ART5: variants seen among roughly 807,000 people sequenced by gnomAD.
The protein encoded by ART5 is ecto-ADP-ribosyltransferase 5.
In ART5, 22 loss-of-function variants were observed where a neutral mutation model predicts 25.0. That is an observed-to-expected ratio of 0.88 (90% CI 0.63 to 1.26). ART5 has a LOEUF of 1.26. Ranked by LOEUF, ART5 falls within the 50% of genes most tolerant of loss-of-function variation. ART5 has a pLI of 0.00. For missense variants in ART5, 402 were observed against 372.8 expected (o/e 1.08, Z -0.64); for synonymous variants, 161 against 154.8 (o/e 1.04, Z -0.30).
intron 1 of ART5, 46 bp from the exon 2 acceptor site, chr11:3,640,417 A>G: frequency 6.5e-7 from 1 of 1,529,908 alleles, no homozygotes; most frequent in Non-Finnish European, 8.7e-7. Flanking sequence ...ATAAGTTCAG[A>G]GCACTGGACA....
rs1024458878 is a variant in ART5 at position 3,641,837 on chromosome 11, G to A, written c.26C>T (p.Ala9Val). The A allele has an allele frequency of 1.3e-6, 2 of 1,578,862 alleles. No homozygotes were observed. The highest frequency in any genetic ancestry group is 1.3e-5 in the African/African-American group (1 of 74,830). The change falls in exon 1 of 4, where the codon GCC (alanine) becomes GTC (valine). Residue 9 changes from alanine to valine, a missense_variant. Transcript: ENST00000397068. ...GGTGTGGAGGCCGAGGCTGCCGAGG[G>A]CGATCATCAAAGCCGCCAGCGCCAT... is the stretch of plus-strand genomic sequence containing the variant. MALAALMIALGSLGLHTWQ... is the reference protein window; with the variant it reads MALAALMIVLGSLGLHTWQ...
At chr11:3,638,886 G>A in intron 3 of ART5, 93 bp from the exon 4 acceptor site, 1 of 1,611,660 alleles carries the variant, frequency 6.2e-7, no homozygotes. Flanking sequence ...GGGCAGAGAG[G>A]AGGCCCCCTC....
chr11:3,640,724 C>T (rs1413358087), intron 1 of ART5, among the ~76,000 whole-genome samples: 18 of 152,100 alleles, frequency 1.2e-4, no homozygotes, highest in Non-Finnish European at 4.4e-5. Context: ...TGCATGCCAC[C>T]ATGCCTGGCT....
rs1431277295 is a variant in ART5, at chr11:3,641,876, G to T, written c.-14C>A. ...CGCCAGCGCCATCCCTGGAGGAGAC[G>T]TGAGGGCCAGGGGTCCGGGTGAGGG... On this transcript the variant is annotated 5_prime_UTR_variant, in exon 1 of 4. Coordinates refer to ENST00000397068, the MANE Select transcript of ART5 (RefSeq NM_053017.5). 1 of 1,562,716 alleles carries T rather than the reference G, an allele frequency of 6.4e-7. No homozygotes were observed. Among genetic ancestry groups the T allele is most frequent in the Non-Finnish European group, 8.7e-7 (1 of 1,155,680 alleles).
upstream of ART5, chr11:3,642,106 T>G: frequency 7.3e-7 from 1 of 1,369,738 alleles, no homozygotes; most frequent in Non-Finnish European, 9.4e-7. Context: ...CTGGGGACCT[T>G]TCCGAGACTG....
At chr11:3,638,829 C>T in intron 3 of ART5, 36 bp from the exon 4 acceptor site, 1 of 1,614,162 alleles carries the variant, frequency 6.2e-7, no homozygotes, top group Non-Finnish European at 8.5e-7. Flanking sequence ...GGGCCCAACC[C>T]CTGAGAGCTG....
chr11:3,641,812 G>A lies in ART5; in HGVS notation c.51C>T (p.Thr17=), dbSNP rs2077402915. 2.5e-6 allele frequency: 4 copies of A among 1,577,940 alleles called. No homozygotes were observed. In the East Asian group the frequency reaches 6.8e-5, roughly 27 times the overall value. Residue 17 remains threonine (T), a synonymous_variant, in exon 1 of 4, where the codon ACC becomes ACT. Coordinates refer to ENST00000397068, the MANE Select transcript of ART5 (RefSeq NM_053017.5). ...MIALGSLGLH[T]WQAQAVPILP... Reference sequence around the variant, plus strand: ...AGATGGTTCCTGGAGTTACCTGCCAGGTGTGGAGGCCGAGGCTGCCGAGGG... The same window carrying A: ...AGATGGTTCCTGGAGTTACCTGCCAAGTGTGGAGGCCGAGGCTGCCGAGGG...
rs775919547 is a variant in ART5, at chr11:3,639,983, C to G, written c.446G>C (p.Gly149Ala). ...CACCTCCCCAGGTCCCCTGCTGCAGCCCCCACTGCCTCGCAGCAGCTGCAG... is the reference window on the plus strand; with the variant it reads ...CACCTCCCCAGGTCCCCTGCTGCAGGCCCCACTGCCTCGCAGCAGCTGCAG... ...RALQLLRGSGGCSRGPGEVVF... is the reference protein window; with the variant it reads ...RALQLLRGSGACSRGPGEVVF... Residue 149 changes from glycine to alanine, a missense_variant, in exon 2 of 4, where the codon GGC becomes GCC. Gly to Ala is a moderately conservative substitution (Grantham distance 60). Transcript: ENST00000397068. The G allele has an allele frequency of 3.1e-6, 5 of 1,614,150 alleles. No homozygotes were observed. Among genetic ancestry groups the G allele is most frequent in the Non-Finnish European group, 4.2e-6 (5 of 1,180,028 alleles).
chr11:3,641,657 T>G lies in ART5; in HGVS notation c.57+149A>C, dbSNP rs566279244. On this transcript the variant is annotated intron_variant, in intron 1 of 3. Transcript: ENST00000397068. The stretch of plus-strand genomic sequence containing the variant: ...GGGAACTTGGGGCTCCCTGCAGAGA[T>G]GGAGGTTCCTGAGAGGAAGAGAGTT... 4.2e-5 allele frequency: 59 copies of G among 1,403,770 alleles called. No homozygotes were observed. The African/African-American group carries it at 7.9e-4, about 19-fold the overall frequency. The allele number at this position is 1,403,770 out of a possible 1,614,324, so 87.0% of individuals were successfully genotyped here.
chr11:3,642,170 G>A (rs1369535603), upstream of ART5: 3 of 1,269,896 alleles, frequency 2.4e-6, no homozygotes, highest in Non-Finnish European at 3.0e-6. Context: ...CGGGGGCGGA[G>A]GACCCACTTG....
rs186846187 is a variant in ART5 at position 3,638,572 on chromosome 11, T to C, written c.*166A>G. The C allele has an allele frequency of 5.5e-5, 43 of 784,712 alleles. No homozygotes were observed. The Admixed American group carries it at 6.9e-4, about 13-fold the overall frequency. The allele number at this position is 784,712 out of a possible 1,614,324, so 48.6% of individuals were successfully genotyped here. On this transcript the variant is annotated 3_prime_UTR_variant, in exon 4 of 4. Coordinates refer to ENST00000397068, the MANE Select transcript of ART5 (RefSeq NM_053017.5). The stretch of plus-strand genomic sequence containing the variant: ...TCAATAAAACTCCATGTCTCCACAT[T>C]GCAACACCGTTCAATCAAGTGGCTG...
At position 3,639,700 on chromosome 11, in the gene ART5, C is replaced by T. The variant is rs770881980; in HGVS notation, c.729G>A (p.Leu243=). ...TCTGATTATAGCTCCAGAGAGTCAC[C>T]AAGCTCTGGGCTCCATCCTGAGAGA... ...TRFSQDGAQS[L]VTLWSYNQTC... Residue 243 remains leucine, a synonymous_variant, in exon 2 of 4, where the codon TTG becomes TTA. Transcript: ENST00000397068. 9.9e-6 allele frequency: 16 copies of T among 1,613,982 alleles called. No homozygotes were observed. The highest frequency in any genetic ancestry group is 2.5e-6 in the Non-Finnish European group (3 of 1,180,022).
chr11:3,639,460 G>C (rs1222972021), intron 2 of ART5, among the ~76,000 whole-genome samples, 182 bp downstream of exon 2: 1 of 152,154 alleles, frequency 6.6e-6, no homozygotes, highest in African/African-American at 2.4e-5. Context: ...CACGAATCTA[G>C]AAAACACTTA....
At position 3,640,264 on chromosome 11, in the gene ART5, C is replaced by T. The variant is rs761530341; in HGVS notation, c.165G>A (p.Lys55=). 119 of 1,613,514 alleles carry T rather than the reference C, an allele frequency of 7.4e-5. No individual in the cohort carries two copies. The highest frequency in any genetic ancestry group is 6.6e-4 in the Middle Eastern group (4 of 6,084). ...EMEEKAAPLL[K]EEMAHHALLR... ...GCAGGGCATGGTGGGCCATTTCCTC[C>T]TTTAGCAGGGGGGCTGCCTTCTCCT... is the stretch of plus-strand genomic sequence containing the variant. Residue 55 remains lysine, a synonymous_variant, in exon 2 of 4, where the codon AAG becomes AAA. Transcript: ENST00000397068.
At position 3,639,103 on chromosome 11, in the gene ART5, G is replaced by A. The variant is rs2077354872; in HGVS notation, c.788-68C>T. Reference sequence around the variant, plus strand: ...GCACCCAAACTGCCTGGCCCACCAGGCCCTGGCAGGGCCATTTCCCTTCTC... The same window carrying A: ...GCACCCAAACTGCCTGGCCCACCAGACCCTGGCAGGGCCATTTCCCTTCTC... On this transcript the variant is annotated intron_variant, in intron 2 of 3. Coordinates refer to ENST00000397068, the MANE Select transcript of ART5 (RefSeq NM_053017.5). 2.0e-6 allele frequency: 3 copies of A among 1,520,256 alleles called. No homozygotes were observed. In the South Asian group the frequency reaches 3.6e-5, roughly 18 times the overall value. The allele number at this position is 1,520,256 out of a possible 1,614,324, so 94.2% of individuals were successfully genotyped here.
rs1377948546 is a variant in ART5, at chr11:3,641,951, T to C, written c.-89A>G. 10 of 1,514,434 alleles carry C rather than the reference T, an allele frequency of 6.6e-6. No homozygotes were observed. The African/African-American group carries it at 6.9e-5, about 10-fold the overall frequency. 93.8% of individuals were successfully genotyped at this position (1,514,434 alleles called of 1,614,324 possible). A position where few individuals can be genotyped will look rare whatever the true frequency, so the allele number is the denominator to read the frequency against. On this transcript the variant is annotated 5_prime_UTR_variant, in exon 1 of 4. Coordinates refer to ENST00000397068, the MANE Select transcript of ART5 (RefSeq NM_053017.5). Reference sequence around the variant, plus strand: ...GGTTTCGAGGGGCTGGAGGCAGATCTGGACCCTGTCTCCAGGCGCACGGGA... The same window carrying C: ...GGTTTCGAGGGGCTGGAGGCAGATCCGGACCCTGTCTCCAGGCGCACGGGA...
At position 3,640,049 on chromosome 11, in the gene ART5, T is replaced by A. The variant is rs1219178707; in HGVS notation, c.380A>T (p.His127Leu). 1.9e-6 allele frequency: 3 copies of A among 1,614,158 alleles called. No homozygotes were observed. The South Asian group carries it at 3.3e-5, about 18-fold the overall frequency. Residue 127 changes from histidine (H) to leucine (L), a missense_variant, in exon 2 of 4, where the codon CAC becomes CTC. Transcript: ENST00000397068. The stretch of plus-strand genomic sequence containing the variant: ...GAAATGCAGGGCCTTGAAGGGAAAG[T>A]GCCTCATGTAGAGCTCCCGGGAGCC... ...GGGSRELYMR[H>L]FPFKALHFYL... is the part of the protein sequence containing the mutation.
rs1289123481 is a variant in ART5, at chr11:3,639,968, G to C, written c.461C>G (p.Pro154Arg). The change falls in exon 2 of 4, where the codon CCT becomes CGT. Residue 154 changes from proline (P) to arginine (R), a missense_variant. Physicochemically the swap from Pro to Arg is moderately radical, Grantham distance 103 (BLOSUM62 -2). Coordinates refer to ENST00000397068, the MANE Select transcript of ART5 (RefSeq NM_053017.5). ...CACACCTCGGAACACCACCTCCCCA[G>C]GTCCCCTGCTGCAGCCCCCACTGCC... ...LRGSGGCSRGPGEVVFRGVGS... is the reference protein window; with the variant it reads ...LRGSGGCSRGRGEVVFRGVGS... 2 of 1,614,034 alleles carry C rather than the reference G, an allele frequency of 1.2e-6. No individual in the cohort carries two copies. The highest frequency in any genetic ancestry group is 1.1e-5 in the South Asian group (1 of 91,096).
intron 1 of ART5, 55 bp from the exon 2 acceptor site, chr11:3,640,426 C>T: frequency 6.6e-7 from 1 of 1,518,480 alleles, no homozygotes; most frequent in Non-Finnish European, 8.8e-7. Flanking sequence ...GAGCACTGGA[C>T]ATGGGTCCTG....
Sources: gnomAD v4.1 joint callset for allele counts (sites outside exome capture counted in the v4.1 genomes callset) on GRCh38, gnomAD v4.1.1 for gene constraint, MANE v1.5 for transcripts, NCBI Gene and HGNC (gene_info 2026-07-23, HGNC 2026-07-21) for gene names.